Variants in CFAP20DC observed in about 807,000 individuals in gnomAD.
CFAP20DC encodes protein CFAP20DC.
A neutral mutation model predicts 101.7 loss-of-function variants in CFAP20DC; 84 were observed. That is an observed-to-expected ratio of 0.83 (90% CI 0.69 to 0.99). The LOEUF (loss-of-function observed/expected upper bound fraction) is 0.99. Ranked by LOEUF, CFAP20DC falls within the 50% of genes least tolerant of loss-of-function variation. CFAP20DC has a pLI of 0.00. For missense variants in CFAP20DC, 1,007 were observed against 970.3 expected, an observed-to-expected ratio of 1.04 and a Z score of -0.50; for synonymous variants, 359 against 351.2, an observed-to-expected ratio of 1.02 and a Z score of -0.25.
chr3:59,008,166 G>A (rs555228109), intron 4 of CFAP20DC, among the ~76,000 whole-genome samples: 1 of 152,296 alleles, frequency 6.6e-6, no homozygotes, highest in African/African-American at 2.4e-5. Context: ...CAGAGGAAGA[G>A]TCACAATTCC....
chr3:58,849,351 T>G lies in CFAP20DC; in HGVS notation c.1652A>C (p.Gln551Pro). 2 of 1,535,914 alleles carry G rather than the reference T, an allele frequency of 1.3e-6. No individual in the cohort carries two copies. Among genetic ancestry groups the G allele is most frequent in the Non-Finnish European group, 1.7e-6 (2 of 1,146,638 alleles). ...CCCCAGCAGGCTCTCTAATGTTAAC[T>G]GAGTTAACTCTGAAGGACCAGTTGT... Reference protein sequence around the residue: ...GPTTGPSELTQLTLESLLGKA... With the variant: ...GPTTGPSELTPLTLESLLGKA... Residue 551 changes from glutamine to proline, a missense_variant, in exon 13 of 17, where the codon CAG (glutamine) becomes CCG (proline). By Grantham distance (76) the Gln-to-Pro change is moderately conservative. Coordinates refer to ENST00000482387, the MANE Select transcript of CFAP20DC (RefSeq NM_001394063.1).
chr3:58,883,409 T>C (rs943236476), intron 7 of CFAP20DC, among the ~76,000 whole-genome samples: 2 of 152,214 alleles, frequency 1.3e-5, no homozygotes, highest in African/African-American at 4.8e-5. Flanking sequence ...CTTAGGATAC[T>C]GAAGCCCATT....
At chr3:58,823,859 T>C (rs187085307) in intron 14 of CFAP20DC, among the ~76,000 whole-genome samples, 172 of 152,322 alleles carry the variant, frequency 1.1e-3, no homozygotes, top group Non-Finnish European at 1.6e-3. Flanking sequence ...GTTTTCATTC[T>C]CATGACATGT....
At chr3:58,898,766 T>C (rs1042814332) in intron 6 of CFAP20DC, among the ~76,000 whole-genome samples, 5 of 152,226 alleles carry the variant, frequency 3.3e-5, no homozygotes, top group Non-Finnish European at 7.3e-5. Flanking sequence ...CTAGGCACTC[T>C]GGCTTTTTGA....
intron 4 of CFAP20DC, among the ~76,000 whole-genome samples, chr3:59,038,484 T>C (rs998830213): frequency 2.6e-5 from 4 of 152,212 alleles, no homozygotes; most frequent in Non-Finnish European, 5.9e-5. Context: ...CTTTGCTTTA[T>C]TGCACTTTGC....
intron 5 of CFAP20DC, among the ~76,000 whole-genome samples, chr3:58,925,573 A>G (rs2085865465): frequency 6.6e-6 from 1 of 152,234 alleles, no homozygotes; most frequent in East Asian, 1.9e-4. Context: ...CATATTTACA[A>G]GTTAATAAGC....
At chr3:58,926,075 T>C (rs2085931274) in intron 5 of CFAP20DC, among the ~76,000 whole-genome samples, 1 of 152,026 alleles carries the variant, frequency 6.6e-6, no homozygotes, top group East Asian at 1.9e-4. Flanking sequence ...TATTTAAAAA[T>C]AATATTCAGG....
chr3:58,737,378 AAACT>A (rs1203204093), downstream of CFAP20DC, among the ~76,000 whole-genome samples: 4 of 152,110 alleles, frequency 2.6e-5, no homozygotes, highest in South Asian at 6.2e-4. The surrounding 1 kb of genome is among the most constrained non-coding windows in gnomAD (Gnocchi z 4.1). Flanking sequence ...ACAAACAAAC[AAACT>A]GAGGATGGGG....
intron 4 of CFAP20DC, among the ~76,000 whole-genome samples, chr3:59,033,115 T>A (rs560065323): frequency 6.6e-6 from 1 of 151,930 alleles, no homozygotes; most frequent in Non-Finnish European, 1.5e-5. Context: ...GGCCTGACTG[T>A]TAGAAGAAAA....
rs371304931 is a variant in CFAP20DC at position 58,812,272 on chromosome 3, T to A, written c.2176-5816A>T. Among the ~76,000 whole-genome samples the A allele has an allele frequency of 3.7e-4, 56 of 152,130 alleles. No individual in the cohort carries two copies. In the East Asian group the frequency reaches 5.2e-3, roughly 14 times the overall value. The stretch of plus-strand genomic sequence containing the variant: ...CATGCACACGTATGTTTATTGCGGC[T>A]CTATTCACAATAGCAAAGACTTGGA... On this transcript the variant is annotated intron_variant, in intron 14 of 16. Transcript: ENST00000482387.
At chr3:58,731,259 T>C (rs2067640826) in intron 3 of CFAP20DC, among the ~76,000 whole-genome samples, 1 of 152,238 alleles carries the variant, frequency 6.6e-6, no homozygotes, top group African/African-American at 2.4e-5. Flanking sequence ...GAAAACAGTT[T>C]GTTCTTTTTA....
intron 15 of CFAP20DC, among the ~76,000 whole-genome samples, chr3:58,773,342 G>A (rs548294845): frequency 6.6e-6 from 1 of 150,928 alleles, no homozygotes; most frequent in South Asian, 2.1e-4. Context: ...CTTATGCCCC[G>A]GAGTTCAAGA....
chr3:58,745,046 G>T (rs1007704110), intron 16 of CFAP20DC, among the ~76,000 whole-genome samples: 24 of 152,102 alleles, frequency 1.6e-4, no homozygotes, highest in African/African-American at 4.6e-4. Context: ...ACCCTGCACA[G>T]TTTCTAATTA....
Position 58,855,606 on chromosome 3 carries a change from A to C in CFAP20DC, c.1594-6197T>G, listed in dbSNP as rs1258907003. ...AACCCAAATGTCCAACAATGATAGA[A>C]TGGATTAAGAAAATGTGGCACAGAT... On this transcript the variant is annotated intron_variant, in intron 12 of 16. Coordinates refer to ENST00000482387, the MANE Select transcript of CFAP20DC (RefSeq NM_001394063.1). Among the ~76,000 whole-genome samples the C allele has an allele frequency of 2.3e-3, 349 of 152,176 alleles. 1 individual carries two copies. Among genetic ancestry groups the C allele is most frequent in the African/African-American group, 7.9e-3 (327 of 41,526 alleles).
At chr3:58,821,185 A>C (rs2075613851) in intron 14 of CFAP20DC, among the ~76,000 whole-genome samples, 1 of 152,158 alleles carries the variant, frequency 6.6e-6, no homozygotes, top group Non-Finnish European at 1.5e-5. Flanking sequence ...TAAAACCATA[A>C]AAACCCTAGA....
At chr3:58,755,751 A>G (rs1467787651) in intron 15 of CFAP20DC, among the ~76,000 whole-genome samples, 1 of 152,192 alleles carries the variant, frequency 6.6e-6, no homozygotes, top group Non-Finnish European at 1.5e-5. Flanking sequence ...TCCTTCACCC[A>G]GTTTCCCCAC....
chr3:58,846,453 A>G (rs575291010), intron 13 of CFAP20DC, among the ~76,000 whole-genome samples: 6,100 of 152,150 alleles, frequency 0.04, 160 homozygotes, highest in African/African-American at 0.083. Flanking sequence ...AATCCAACCT[A>G]CAAGGGATGT....
chr3:58,869,446 C>T lies in CFAP20DC; in HGVS notation c.897G>A (p.Pro299=), dbSNP rs570968646. 5.0e-6 allele frequency: 8 copies of T among 1,612,850 alleles called. No homozygotes were observed. The highest frequency in any genetic ancestry group is 1.7e-4 in the Middle Eastern group (1 of 6,054). ...CATTAACACACTTCTCTACAGTGGACGGCTGGCATGATCGGTTATTTTTGG... is the reference window on the plus strand; with the variant it reads ...CATTAACACACTTCTCTACAGTGGATGGCTGGCATGATCGGTTATTTTTGG... ...VGSKNNRSCQ[P]STVEKCVNGT... Residue 299 remains proline (P), a synonymous_variant, in exon 9 of 17, where the codon CCG becomes CCA. Coordinates refer to ENST00000482387, the MANE Select transcript of CFAP20DC (RefSeq NM_001394063.1). The surrounding 1 kb of genome is among the most constrained non-coding windows in gnomAD (Gnocchi z 4.3).
chr3:58,861,831 G>T lies in CFAP20DC; in HGVS notation c.1593+1727C>A. The T allele has an allele frequency of 1.0e-6, 1 of 985,400 alleles. No homozygotes were observed. Among genetic ancestry groups the T allele is most frequent in the South Asian group, 4.7e-5 (1 of 21,284 alleles). 61.0% of individuals were successfully genotyped at this position (985,400 alleles called of 1,614,324 possible). A position where few individuals can be genotyped will look rare whatever the true frequency, so the allele number is the denominator to read the frequency against. On this transcript the variant is annotated intron_variant, in intron 12 of 16. Coordinates refer to ENST00000482387, the MANE Select transcript of CFAP20DC (RefSeq NM_001394063.1). This position sits in a 1 kb window ranked among gnomAD's most constrained non-coding sequence, Gnocchi z 4.0. ...TCACCTTGATGGGCATGGCACAGGG[G>T]TGACCAGATAGCCCTGCCAGTGAAA...
Sources: allele counts gnomAD v4.1 joint callset (sites outside exome capture counted in the v4.1 genomes callset), GRCh38; gene constraint gnomAD v4.1.1; non-coding constraint Gnocchi (gnomAD v3.1); transcripts MANE v1.5; gene names NCBI Gene and HGNC (gene_info 2026-07-23, HGNC 2026-07-21).